Variants in SLC7A6OS observed in about 807,000 individuals in gnomAD.
SLC7A6OS encodes probable RNA polymerase II nuclear localization protein SLC7A6OS.
Under a neutral mutation model 34.3 loss-of-function variants are expected in SLC7A6OS, and 22 were observed. The ratio of observed to expected loss-of-function variants is 0.64; its 90% confidence interval spans 0.46 to 0.92. SLC7A6OS has a LOEUF of 0.92. Ranked by LOEUF, SLC7A6OS falls within the 40% of genes least tolerant of loss-of-function variation. The pLI is 0.00. For synonymous variants in SLC7A6OS, 199 were observed against 165.0 expected, an observed-to-expected ratio of 1.21 and a Z score of -1.58; for missense variants, 434 against 407.7, an observed-to-expected ratio of 1.06 and a Z score of -0.56.
chr16:68,306,292 C>G (rs2043325996), intron 2 of SLC7A6OS, among the ~76,000 whole-genome samples: 1 of 152,148 alleles, frequency 6.6e-6, no homozygotes, highest in Non-Finnish European at 1.5e-5. Context: ...GATCTCAGCT[C>G]ACTGCAACCT....
Position 68,298,039 on chromosome 16 carries a change from C to G in SLC7A6OS, c.*3236G>C, listed in dbSNP as rs1320752987. 6.6e-6 allele frequency: 1 copy of G among 152,594 alleles called. No individual in the cohort carries two copies. Among genetic ancestry groups the G allele is most frequent in the Non-Finnish European group, 1.5e-5 (1 of 68,034 alleles). The allele number at this position is 152,594 out of a possible 1,614,324, so 9.5% of individuals were successfully genotyped here. Reference sequence around the variant, plus strand: ...TTGAGTCTTACCTGCAACAATGAACCTTAAAGATTTTTTTACTCACGTACC... The same window carrying G: ...TTGAGTCTTACCTGCAACAATGAACGTTAAAGATTTTTTTACTCACGTACC... On this transcript the variant is annotated 3_prime_UTR_variant, in exon 5 of 5. Transcript: ENST00000263997.
rs536497387 is a variant in SLC7A6OS, at chr16:68,299,142, C to T, written c.*2133G>A. 6.5e-5 allele frequency: 10 copies of T among 152,768 alleles called. No homozygotes were observed. In the South Asian group the frequency reaches 2.1e-3, roughly 32 times the overall value. The allele number at this position is 152,768 out of a possible 1,614,324, so 9.5% of individuals were successfully genotyped here. A position where few individuals can be genotyped will look rare whatever the true frequency, so the allele number is the denominator to read the frequency against. ...ACAGGGTGTCTTATGCAAAGGCTGA[C>T]TTGCCTGAACGCTAAGAACATGACT... On this transcript the variant is annotated 3_prime_UTR_variant, in exon 5 of 5. Transcript: ENST00000263997.
In SLC7A6OS at chr16:68,300,062, GACACTCACAGGCTATGAGGGTAC is replaced by G. The variant is rs1264567945; in HGVS notation, c.*1190_*1212del. 1 of 152,206 alleles carries G rather than the reference GACACTCACAGGCTATGAGGGTAC, an allele frequency of 6.6e-6. No individual in the cohort carries two copies. Among genetic ancestry groups the G allele is most frequent in the Non-Finnish European group, 1.5e-5 (1 of 68,036 alleles). 9.4% of individuals were successfully genotyped at this position (152,206 alleles called of 1,614,324 possible). On this transcript the variant is annotated 3_prime_UTR_variant, in exon 5 of 5. Coordinates refer to ENST00000263997, the MANE Select transcript of SLC7A6OS (RefSeq NM_032178.3). ...CCTTCCCCCATGACAGTGAGTAAGA[GACACTCACAGGCTATGAGGGTAC>G]ACCCCTAGCTGAATGTTCTGTGTTG...
intron 2 of SLC7A6OS, among the ~76,000 whole-genome samples, chr16:68,308,212 T>C (rs967391705): frequency 3.3e-5 from 5 of 151,664 alleles, no homozygotes; most frequent in African/African-American, 1.2e-4. Flanking sequence ...TAGTGAACTA[T>C]TTACTTGATT....
chr16:68,304,115 C>G lies in SLC7A6OS; in HGVS notation c.589G>C (p.Val197Leu). The G allele has an allele frequency of 6.2e-7, 1 of 1,614,202 alleles. No individual in the cohort carries two copies. The highest frequency in any genetic ancestry group is 8.5e-7 in the Non-Finnish European group (1 of 1,180,042). The change falls in exon 3 of 5, where the codon GTG becomes CTG. Residue 197 changes from valine (V) to leucine (L), a missense_variant. Transcript: ENST00000263997. ...RQEEQKHDDY[V>L]YDIYYLETAT... is the part of the protein sequence containing the mutation. ...GTCTCCAAGTAGTAAATGTCATACACATAGTCATCGTGTTTTTGTTCTTCC... is the reference window on the plus strand; with the variant it reads ...GTCTCCAAGTAGTAAATGTCATACAGATAGTCATCGTGTTTTTGTTCTTCC...
chr16:68,301,734 GTTA>G (rs1163400662), intron 4 of SLC7A6OS: 3 of 177,490 alleles, frequency 1.7e-5, no homozygotes, highest in African/African-American at 2.4e-5. Flanking sequence ...CTTTTAACGT[GTTA>G]TTGACAAACC....
At chr16:68,309,929 G>A (rs953526674) in intron 2 of SLC7A6OS, among the ~76,000 whole-genome samples, 1 of 152,162 alleles carries the variant, frequency 6.6e-6, no homozygotes, top group South Asian at 2.1e-4. Context: ...CTGCCTAGAA[G>A]TCCTCTCGAT....
At chr16:68,305,232 T>A (rs1251422520) in intron 2 of SLC7A6OS, among the ~76,000 whole-genome samples, 2 of 152,210 alleles carry the variant, frequency 1.3e-5, no homozygotes, top group East Asian at 3.9e-4. Flanking sequence ...CTATTTTGTG[T>A]GGCCTCCTGT....
chr16:68,310,856 A>T lies in SLC7A6OS; in HGVS notation c.71T>A (p.Val24Glu). Residue 24 changes from valine to glutamate, a missense_variant, in exon 1 of 5, where the codon GTG becomes GAG. By Grantham distance (121) the Val-to-Glu change is moderately radical. Coordinates refer to ENST00000263997, the MANE Select transcript of SLC7A6OS (RefSeq NM_032178.3). ...GCTCCGGAGGCGTTTACAAGCGAGCACAAGAGCCTCCGCCGGCTCCGCACT... is the reference window on the plus strand; with the variant it reads ...GCTCCGGAGGCGTTTACAAGCGAGCTCAAGAGCCTCCGCCGGCTCCGCACT... ...KRSAEPAEAL[V>E]LACKRLRSDA... is the part of the protein sequence containing the mutation. 6.2e-7 allele frequency: 1 copy of T among 1,612,612 alleles called. No homozygotes were observed. Among genetic ancestry groups the T allele is most frequent in the Non-Finnish European group, 8.5e-7 (1 of 1,179,728 alleles).
rs990157612 is a variant in SLC7A6OS at position 68,298,423 on chromosome 16, G to A, written c.*2852C>T. 6.6e-6 allele frequency: 1 copy of A among 152,422 alleles called. No individual in the cohort carries two copies. Among genetic ancestry groups the A allele is most frequent in the African/African-American group, 2.4e-5 (1 of 41,434 alleles). 9.4% of individuals were successfully genotyped at this position (152,422 alleles called of 1,614,324 possible). On this transcript the variant is annotated 3_prime_UTR_variant, in exon 5 of 5. Transcript: ENST00000263997. ...TGCAGACCCAAGCAATCCCAACCTG[G>A]TGCTAGGTCATTTCACTTTTCTGAA...
chr16:68,303,941 G>C (rs754274503), intron 3 of SLC7A6OS, 85 bp downstream of exon 3: 8 of 1,219,652 alleles, frequency 6.6e-6, no homozygotes, highest in African/African-American at 3.0e-5. Context: ...TGTTGTTCGG[G>C]AGTGGAGCCC....
chr16:68,310,237 A>T, intron 2 of SLC7A6OS, 98 bp downstream of exon 2: 1 of 1,326,042 alleles, frequency 7.5e-7, no homozygotes, highest in Non-Finnish European at 1.0e-6. Context: ...CGGATGGATC[A>T]TCCATCCCCT....
intron 2 of SLC7A6OS, among the ~76,000 whole-genome samples, chr16:68,306,646 A>G (rs2151241175): frequency 6.6e-6 from 1 of 152,278 alleles, no homozygotes; most frequent in African/African-American, 2.4e-5. Context: ...CCTCCTAGCT[A>G]GAAGAAAAAT....
intron 2 of SLC7A6OS, among the ~76,000 whole-genome samples, chr16:68,308,676 G>A (rs1462177479): frequency 1.3e-5 from 2 of 152,178 alleles, no homozygotes; most frequent in Admixed American, 1.3e-4. Context: ...CCATTTGCTT[G>A]TTGCTTGTGG....
Position 68,302,458 on chromosome 16 carries a change from T to G in SLC7A6OS, c.722A>C (p.Asp241Ala). 6.2e-7 allele frequency: 1 copy of G among 1,614,188 alleles called. No individual in the cohort carries two copies. The highest frequency in any genetic ancestry group is 8.5e-7 in the Non-Finnish European group (1 of 1,180,020). The change falls in exon 4 of 5, where the codon GAT becomes GCT. Residue 241 changes from aspartate to alanine, a missense_variant. By Grantham distance (126) the Asp-to-Ala change is moderately radical. Coordinates refer to ENST00000263997, the MANE Select transcript of SLC7A6OS (RefSeq NM_032178.3). ...CCAGTTATTCTCACTGTTCTCGTCA[T>G]CTTCATCGTCGTAAATGTCCTCTGG... ...QEPEDIYDDE[D>A]DENSENNWRN... is the part of the protein sequence containing the mutation.
At chr16:68,303,502 G>A (rs1278059600) in intron 3 of SLC7A6OS, among the ~76,000 whole-genome samples, 1 of 151,230 alleles carries the variant, frequency 6.6e-6, no homozygotes, top group East Asian at 2.0e-4. Flanking sequence ...AGGATTGCTT[G>A]AGCCTGGGAG....
In SLC7A6OS at chr16:68,310,719, G is replaced by C. The variant is rs777586084; in HGVS notation, c.192+16C>G. On this transcript the variant is annotated intron_variant, in intron 1 of 4. Coordinates refer to ENST00000263997, the MANE Select transcript of SLC7A6OS (RefSeq NM_032178.3). ...CCCGAAGATGCCCTCCACACCAGCT[G>C]CACCACGCCCAATACCTGGGAGCAC... The C allele has an allele frequency of 3.1e-6, 5 of 1,595,508 alleles. No homozygotes were observed. The South Asian group carries it at 5.6e-5, about 18-fold the overall frequency.
chr16:68,309,023 G>C (rs1440588335), intron 2 of SLC7A6OS, among the ~76,000 whole-genome samples: 1 of 147,754 alleles, frequency 6.8e-6, no homozygotes, highest in South Asian at 2.1e-4. Context: ...ATGCACTCTA[G>C]CCTGGGCAAC....
At chr16:68,305,862 C>G (rs1459789918) in intron 2 of SLC7A6OS, among the ~76,000 whole-genome samples, 1 of 152,142 alleles carries the variant, frequency 6.6e-6, no homozygotes, top group East Asian at 1.9e-4. Context: ...GAGTTTGAGA[C>G]CAGCCTGGGC....
Sources: gnomAD v4.1 joint callset for allele counts (sites outside exome capture counted in the v4.1 genomes callset) on GRCh38, gnomAD v4.1.1 for gene constraint, MANE v1.5 for transcripts, NCBI Gene and HGNC (gene_info 2026-07-23, HGNC 2026-07-21) for gene names.